The following PSAT1 variants were observed in gnomAD, a reference collection of about 807,000 sequenced individuals.
PSAT1 encodes the protein phosphoserine aminotransferase 1, also known as phosphoserine aminotransferase.
PSAT1 carries 41 observed loss-of-function variants against 40.3 expected under a neutral mutation model. The ratio of observed to expected loss-of-function variants is 1.02; its 90% CI spans 0.79 to 1.32. The LOEUF is 1.32. Among genes scored for constraint, PSAT1 ranks in the 40% most tolerant of loss-of-function variants. The probability of loss-of-function intolerance (pLI) is 0.00; values close to 1 mark genes in which losing one functional copy is unlikely to be tolerated. For synonymous variants in PSAT1, 147 were observed against 170.5 expected (o/e 0.86, Z 1.07); for missense variants, 406 against 455.8 (o/e 0.89, Z 0.99).
chr9:78,327,380 C>T (rs1828516664), intron 7 of PSAT1, among the ~76,000 whole-genome samples: 1 of 152,090 alleles, frequency 6.6e-6, no homozygotes, highest in African/African-American at 2.4e-5. Context: ...AAGGCCAGCC[C>T]AGATTCAAAA....
intron 6 of PSAT1, among the ~76,000 whole-genome samples, chr9:78,310,501 T>C (rs1828250548): frequency 6.6e-6 from 1 of 152,138 alleles, no homozygotes; most frequent in Admixed American, 6.5e-5. Flanking sequence ...AAGAGGGGGC[T>C]CAGGCTGGTG....
chr9:78,321,565 C>T (rs1016539213), intron 7 of PSAT1, among the ~76,000 whole-genome samples: 7 of 152,118 alleles, frequency 4.6e-5, no homozygotes, highest in Non-Finnish European at 1.0e-4. Flanking sequence ...CCCCCTGACT[C>T]GTAAACCAGC....
chr9:78,328,625 TA>T (rs1828535912), intron 8 of PSAT1, among the ~76,000 whole-genome samples: 1 of 54,928 alleles, frequency 1.8e-5, no homozygotes, highest in Non-Finnish European at 2.9e-5. Context: ...CACATGAGAA[TA>T]GCCCAGCCCC....
chr9:78,326,191 T>G (rs1349512570), intron 7 of PSAT1, among the ~76,000 whole-genome samples: 1 of 152,182 alleles, frequency 6.6e-6, no homozygotes, highest in Non-Finnish European at 1.5e-5. Context: ...ATTACAGATG[T>G]GCCCTCAGGG....
intron 1 of PSAT1, among the ~76,000 whole-genome samples, chr9:78,299,957 G>T (rs1285026628): frequency 6.6e-6 from 1 of 151,984 alleles, no homozygotes; most frequent in African/African-American, 2.4e-5. Context: ...CTGGCTGGTT[G>T]CTTTTGCACT....
intron 6 of PSAT1, among the ~76,000 whole-genome samples, chr9:78,314,178 G>C (rs564025222): frequency 1.3e-5 from 2 of 152,272 alleles, no homozygotes; most frequent in East Asian, 3.9e-4. Flanking sequence ...TAGACGGTAT[G>C]GGAGTTGAAA....
At chr9:78,325,707 A>T (rs1828487587) in intron 7 of PSAT1, among the ~76,000 whole-genome samples, 1 of 152,234 alleles carries the variant, frequency 6.6e-6, no homozygotes, top group Admixed American at 6.5e-5. Context: ...GATTGGAAGC[A>T]GTTAATTTCC....
intron 7 of PSAT1, among the ~76,000 whole-genome samples, chr9:78,325,859 A>T (rs572043763): frequency 6.6e-6 from 1 of 152,184 alleles, no homozygotes; most frequent in East Asian, 1.9e-4. Flanking sequence ...TACTTTCATG[A>T]TAGGATGGGT....
intron 1 of PSAT1, 94 bp from the exon 2 acceptor site, chr9:78,300,508 A>G (rs558227934): frequency 1.3e-6 from 2 of 1,482,842 alleles, no homozygotes; most frequent in Non-Finnish European, 1.8e-6. Context: ...CTCACTGTAG[A>G]CCCTTCCTTG....
intron 6 of PSAT1, among the ~76,000 whole-genome samples, chr9:78,309,657 C>T (rs1330312398): frequency 1.3e-5 from 2 of 152,252 alleles, no homozygotes; most frequent in Non-Finnish European, 2.9e-5. Flanking sequence ...GCCACCACAA[C>T]CGGCCAACAT....
chr9:78,328,135 A>C lies in PSAT1; in HGVS notation c.954A>C (p.Lys318Asn). Residue 318 changes from lysine (K) to asparagine (N), a missense_variant, in exon 8 of 9, where the codon AAA becomes AAC. Transcript: ENST00000376588. ...GNAKGDDALE[K>N]RFLDKALELN... ...CCAAAGGAGATGATGCTTTAGAAAA[A>C]AGATTTCTTGATAAAGCTCTTGAAC... 1 of 1,613,366 alleles carries C rather than the reference A, an allele frequency of 6.2e-7. No homozygotes were observed. Among genetic ancestry groups the C allele is most frequent in the Non-Finnish European group, 8.5e-7 (1 of 1,179,986 alleles).
rs1012724932 is a variant in PSAT1 at position 78,329,264 on chromosome 9, C to T, written c.*178C>T. On this transcript the variant is annotated 3_prime_UTR_variant, in exon 9 of 9. Transcript: ENST00000376588. ...CACAACTCTGTAAAGCTGGTGGGAC[C>T]TAATGTCACCTTAATTCTGACTTGA... 1.6e-6 allele frequency: 1 copy of T among 606,358 alleles called. No individual in the cohort carries two copies. Among genetic ancestry groups the T allele is most frequent in the South Asian group, 2.0e-5 (1 of 50,908 alleles). The allele number at this position is 606,358 out of a possible 1,614,324, so 37.6% of individuals were successfully genotyped here.
In PSAT1 at chr9:78,297,287, G is replaced by T; in HGVS notation, c.60+17G>T. 6.3e-7 allele frequency: 1 copy of T among 1,591,900 alleles called. No individual in the cohort carries two copies. Among genetic ancestry groups the T allele is most frequent in the South Asian group, 1.1e-5 (1 of 89,050 alleles). ...CCGCACTCAGTAAGTCCCCGCGAGC[G>T]GGCGCCGGGAGTGAGGTTCAGGCGG... On this transcript the variant is annotated intron_variant, in intron 1 of 8. Coordinates refer to ENST00000376588, the MANE Select transcript of PSAT1 (RefSeq NM_058179.4).
At chr9:78,327,972 GAA>G in intron 7 of PSAT1, 77 bp from the exon 8 acceptor site, 9 of 1,491,472 alleles carry the variant, frequency 6.0e-6, no homozygotes, top group Non-Finnish European at 8.4e-6. Context: ...GAAGTGTTAA[GAA>G]AAAAAAATCT....
rs978065995 is a variant in PSAT1, at chr9:78,329,385, CTGT to C, written c.*300_*302del. 1.3e-5 allele frequency: 5 copies of C among 397,480 alleles called. No individual in the cohort carries two copies. Among genetic ancestry groups the C allele is most frequent in the Non-Finnish European group, 2.4e-5 (5 of 211,266 alleles). The allele number at this position is 397,480 out of a possible 1,614,324, so 24.6% of individuals were successfully genotyped here. The stretch of plus-strand genomic sequence containing the variant: ...TTTTCTAGTTAGATTTCAAACTTGC[CTGT>C]GGACTTAATAATGCAAGTTGCGATT... On this transcript the variant is annotated 3_prime_UTR_variant, in exon 9 of 9. Coordinates refer to ENST00000376588, the MANE Select transcript of PSAT1 (RefSeq NM_058179.4).
At chr9:78,309,771 C>T (rs1828240197) in intron 6 of PSAT1, among the ~76,000 whole-genome samples, 1 of 152,186 alleles carries the variant, frequency 6.6e-6, no homozygotes, top group African/African-American at 2.4e-5. Flanking sequence ...GGTTGCCCTG[C>T]CTCAGGATCC....
chr9:78,326,955 A>ATATATATATATATATATATTTTTTTTT, intron 7 of PSAT1, among the ~76,000 whole-genome samples: 1 of 75,962 alleles, frequency 1.3e-5, no homozygotes, highest in Admixed American at 1.8e-4. Flanking sequence ...ATATATATAT[A>ATATATATATATATATATATTTTTTTTT]TTTTTTTTTT....
At chr9:78,321,837 A>G (rs1828433885) in intron 7 of PSAT1, among the ~76,000 whole-genome samples, 2 of 152,302 alleles carry the variant, frequency 1.3e-5, no homozygotes, top group South Asian at 2.1e-4. Context: ...CAGTTTTCTC[A>G]TCTGTACAAT....
intron 3 of PSAT1, among the ~76,000 whole-genome samples, chr9:78,302,571 A>C (rs932177865): frequency 2.0e-4 from 30 of 152,102 alleles, no homozygotes; most frequent in African/African-American, 7.2e-4. Context: ...CTAAAAATAC[A>C]AAAAAAGAAA....
Sources: allele counts gnomAD v4.1 joint callset (sites outside exome capture counted in the v4.1 genomes callset), GRCh38; gene constraint gnomAD v4.1.1; transcripts MANE v1.5; gene names NCBI Gene and HGNC (gene_info 2026-07-23, HGNC 2026-07-21).